The following TRAPPC9 variants were observed in gnomAD, a reference collection of about 807,000 sequenced individuals.
TRAPPC9 encodes IKK2 binding protein.
Under a neutral mutation model 124.0 loss-of-function variants are expected in TRAPPC9, and 83 were observed. The observed-to-expected ratio is 0.67, with a 90% CI of 0.56 to 0.80. The LOEUF is 0.80. Ranked by LOEUF, TRAPPC9 falls within the 30% of genes least tolerant of loss-of-function variation. The probability of loss-of-function intolerance (pLI) is 0.00; values close to 1 mark genes in which losing one functional copy is unlikely to be tolerated. For synonymous variants in TRAPPC9, 638 were observed against 617.5 expected (o/e 1.03, Z -0.49); for missense variants, 1,302 against 1,508.3 (o/e 0.86, Z 2.27).
chr8:139,801,132 C>T (rs1363287475), intron 21 of TRAPPC9, among the ~76,000 whole-genome samples: 2 of 152,152 alleles, frequency 1.3e-5, no homozygotes, highest in Non-Finnish European at 2.9e-5. Flanking sequence ...TATCTTCCCT[C>T]CCACCAGCAG....
At chr8:139,837,409 C>T (rs1223293984) in intron 21 of TRAPPC9, among the ~76,000 whole-genome samples, 2 of 152,214 alleles carry the variant, frequency 1.3e-5, no homozygotes, top group Non-Finnish European at 2.9e-5. Context: ...CTCCCATAGC[C>T]ATCTGTCCAA....
chr8:140,129,005 T>TAA (rs778829123), intron 17 of TRAPPC9, among the ~76,000 whole-genome samples: 6,553 of 134,536 alleles, frequency 0.049, 256 homozygotes, highest in African/African-American at 0.11. Flanking sequence ...ATATATATAT[T>TAA]AAAAAAAAAA....
chr8:139,948,481 A>T, intron 19 of TRAPPC9, among the ~76,000 whole-genome samples: 1 of 152,216 alleles, frequency 6.6e-6, no homozygotes, highest in Middle Eastern at 3.2e-3. Flanking sequence ...GACATCAAGG[A>T]AGCCAATGTG....
At chr8:139,896,714 C>T (rs1240892749) in intron 20 of TRAPPC9, among the ~76,000 whole-genome samples, 1 of 152,202 alleles carries the variant, frequency 6.6e-6, no homozygotes, top group Non-Finnish European at 1.5e-5. Flanking sequence ...GGACAAAGAT[C>T]CTGCTGTCCA....
intron 21 of TRAPPC9, among the ~76,000 whole-genome samples, chr8:139,802,119 C>A (rs749245309): frequency 6.6e-6 from 1 of 152,232 alleles, no homozygotes; most frequent in African/African-American, 2.4e-5. Context: ...TGTTGTCCCA[C>A]GCAACCCAGT....
chr8:140,039,461 C>T (rs1320457824), intron 17 of TRAPPC9, among the ~76,000 whole-genome samples: 3 of 152,208 alleles, frequency 2.0e-5, no homozygotes, highest in South Asian at 2.1e-4. Flanking sequence ...TTTTAAAAAA[C>T]ATATAATTAT....
chr8:140,072,928 T>C (rs1437763845), intron 17 of TRAPPC9, among the ~76,000 whole-genome samples: 2 of 152,094 alleles, frequency 1.3e-5, no homozygotes, highest in Non-Finnish European at 2.9e-5. Context: ...AAGGAAAATA[T>C]ATGAATGGCC....
At chr8:140,148,469 G>C (rs1005542537) in intron 17 of TRAPPC9, among the ~76,000 whole-genome samples, 2 of 152,132 alleles carry the variant, frequency 1.3e-5, no homozygotes, top group African/African-American at 4.8e-5. Flanking sequence ...AGAAACTTCA[G>C]AGCTGTCCAT....
chr8:139,977,681 A>ATTCG (rs1413784723), intron 19 of TRAPPC9, among the ~76,000 whole-genome samples: 3 of 148,360 alleles, frequency 2.0e-5, no homozygotes, highest in African/African-American at 7.5e-5. Context: ...TCATTCATTC[A>ATTCG]TTCATTCATT....
chr8:140,175,156 C>T (rs2062037008), intron 17 of TRAPPC9, among the ~76,000 whole-genome samples: 1 of 151,994 alleles, frequency 6.6e-6, no homozygotes, highest in Non-Finnish European at 1.5e-5. Flanking sequence ...TTCCAACAGA[C>T]AACCACTTAC....
chr8:140,364,580 A>T (rs1157143410), intron 8 of TRAPPC9, among the ~76,000 whole-genome samples: 1 of 150,726 alleles, frequency 6.6e-6, no homozygotes, highest in Non-Finnish European at 1.5e-5. Context: ...TCCACCAGTA[A>T]CTCTTAGCAT....
intron 17 of TRAPPC9, among the ~76,000 whole-genome samples, chr8:140,048,842 C>G (rs947786032): frequency 6.6e-6 from 1 of 152,172 alleles, no homozygotes. Flanking sequence ...TCACCCATCC[C>G]CTGCTCCCCT....
At chr8:140,276,864 C>T (rs2065140064) in intron 14 of TRAPPC9, among the ~76,000 whole-genome samples, 1 of 152,152 alleles carries the variant, frequency 6.6e-6, no homozygotes, top group African/African-American at 2.4e-5. Context: ...TACCCCACTA[C>T]CTTCTTCCTG....
In TRAPPC9 at chr8:139,799,286, C is replaced by T. The variant is rs1823305262; in HGVS notation, c.3056-67084G>A. Among the ~76,000 whole-genome samples the T allele has an allele frequency of 1.3e-5, 2 of 152,078 alleles. 1 individual carries two copies. Among genetic ancestry groups the T allele is most frequent in the Admixed American group, 1.3e-4 (2 of 15,274 alleles). On this transcript the variant is annotated intron_variant, in intron 21 of 22. Transcript: ENST00000438773. ...CACCCATGTAATCCGGGATAATCCA[C>T]CCATCCTGAATTCCTTGATCACATC...
intron 21 of TRAPPC9, among the ~76,000 whole-genome samples, chr8:139,749,051 C>T (rs1443730871): frequency 6.6e-6 from 1 of 152,126 alleles, no homozygotes; most frequent in Non-Finnish European, 1.5e-5. Context: ...ACTTCAATTG[C>T]TCCTCCAAAG....
intron 9 of TRAPPC9, among the ~76,000 whole-genome samples, chr8:140,326,042 T>C (rs1036727956): frequency 1.3e-5 from 2 of 152,054 alleles, no homozygotes; most frequent in Non-Finnish European, 2.9e-5. Context: ...AATGGAAATA[T>C]ACAAATGGAA....
At position 139,860,110 on chromosome 8, in the gene TRAPPC9, A is replaced by G. The variant is rs541283618; in HGVS notation, c.3055+25769T>C. Among the ~76,000 whole-genome samples, 4 of 152,362 alleles carry G rather than the reference A, an allele frequency of 2.6e-5. No individual in the cohort carries two copies. The East Asian group carries it at 5.8e-4, about 22-fold the overall frequency. ...TCCAGTATCAGCACAGTGTCAGCAC[A>G]TCCAGTAGCCGGACAGATGTTTGTG... On this transcript the variant is annotated intron_variant, in intron 21 of 22. Transcript: ENST00000438773.
chr8:139,933,379 T>A (rs1833320168), intron 19 of TRAPPC9: 1 of 152,178 alleles, frequency 6.6e-6, no homozygotes, highest in Non-Finnish European at 1.5e-5. Flanking sequence ...AGATATCATC[T>A]CTCCTGCAGG....
chr8:140,136,970 A>C (rs6578072), intron 17 of TRAPPC9, among the ~76,000 whole-genome samples: 10,357 of 152,154 alleles, frequency 0.068, 1,159 homozygotes, highest in African/African-American at 0.23. Context: ...TTTAAACCCA[A>C]GGTTGAAGGA....
Sources: gnomAD v4.1 joint callset for allele counts (sites outside exome capture counted in the v4.1 genomes callset) on GRCh38, gnomAD v4.1.1 for gene constraint, MANE v1.5 for transcripts, NCBI Gene and HGNC (gene_info 2026-07-23, HGNC 2026-07-21) for gene names.